The following BANK1 variants were observed in gnomAD, a reference collection of about 807,000 sequenced individuals.
The protein encoded by BANK1 is B cell scaffold protein with ankyrin repeats 1.
Under a neutral mutation model 94.5 loss-of-function variants are expected in BANK1, and 95 were observed. The observed-to-expected ratio is 1.00, with a 90% confidence interval of 0.85 to 1.19. The LOEUF (loss-of-function observed/expected upper bound fraction) is 1.19. Ranked by LOEUF, BANK1 falls within the 50% of genes most tolerant of loss-of-function variation. BANK1 has a pLI of 0.00. For missense variants in BANK1, 987 were observed against 932.2 expected (o/e 1.06, Z -0.77); for synonymous variants, 334 against 308.4 (o/e 1.08, Z -0.87).
At chr4:101,934,448 C>A (rs898441105) in intron 7 of BANK1, among the ~76,000 whole-genome samples, 1 of 151,330 alleles carries the variant, frequency 6.6e-6, no homozygotes, top group African/African-American at 2.4e-5. Flanking sequence ...AACTCTTCAT[C>A]CCTTTGATGG....
intron 4 of BANK1, among the ~76,000 whole-genome samples, chr4:101,869,748 G>C (rs1053025987): frequency 1.3e-5 from 2 of 151,900 alleles, no homozygotes; most frequent in Admixed American, 1.3e-4. Context: ...CTTAAAATTT[G>C]TTCCACAGAT....
At chr4:102,007,089 TATA>T (rs1289948108) in intron 7 of BANK1, among the ~76,000 whole-genome samples, 1 of 95,448 alleles carries the variant, frequency 1.0e-5, no homozygotes, top group East Asian at 2.2e-4. Flanking sequence ...TAAATATATA[TATA>T]ATATATTTAT....
At chr4:101,869,691 GT>G (rs1373408178) in intron 4 of BANK1, among the ~76,000 whole-genome samples, 1 of 151,850 alleles carries the variant, frequency 6.6e-6, no homozygotes, top group African/African-American at 2.4e-5. Context: ...TTGAGTGACA[GT>G]TTTCTGGGAG....
At chr4:101,870,330 G>T (rs920979122) in intron 4 of BANK1, among the ~76,000 whole-genome samples, 175 bp from the exon 5 acceptor site, 6 of 151,762 alleles carry the variant, frequency 4.0e-5, no homozygotes, top group Non-Finnish European at 8.8e-5. Flanking sequence ...GTCTAAAATT[G>T]TACATTTCAT....
intron 1 of BANK1, among the ~76,000 whole-genome samples, chr4:101,821,729 C>A (rs1278344681): frequency 6.6e-6 from 1 of 151,984 alleles, no homozygotes; most frequent in African/African-American, 2.4e-5. Flanking sequence ...AACAAAAATT[C>A]TTTACTACAC....
At chr4:101,896,909 G>T (rs575254843) in intron 6 of BANK1, among the ~76,000 whole-genome samples, 9 of 151,948 alleles carry the variant, frequency 5.9e-5, no homozygotes, top group African/African-American at 1.4e-4. Context: ...CATAAATTTT[G>T]GTGCATCTAT....
At chr4:101,952,580 T>C (rs1249286804) in intron 7 of BANK1, among the ~76,000 whole-genome samples, 1 of 152,128 alleles carries the variant, frequency 6.6e-6, no homozygotes, top group Non-Finnish European at 1.5e-5. Context: ...TGATTATAAT[T>C]TGGTAAAACA....
chr4:101,895,332 CT>C lies in BANK1; in HGVS notation c.933del (p.Thr312HisfsTer44). The C allele has an allele frequency of 6.3e-7, 1 of 1,591,298 alleles. No homozygotes were observed. The highest frequency in any genetic ancestry group is 8.6e-7 in the Non-Finnish European group (1 of 1,168,650). ...TAGCATTGAAGAACTTGATGGTGTC[CT>C]TACATCCATATTCAAACATGAGATA... Reference protein sequence around the residue: ...QNSIEELDGVLTSIFKHEIPY... With the variant: ...QNSIEELDGVXTSIFKHEIPY... On this transcript the variant is annotated frameshift_variant, in exon 6 of 17. Coordinates refer to ENST00000322953, the MANE Select transcript of BANK1 (RefSeq NM_017935.5). LOFTEE classifies it high-confidence loss of function.
Position 102,064,654 on chromosome 4 carries a change from A to G in BANK1, c.2212+1516A>G, listed in dbSNP as rs1298581371. 9.8e-5 allele frequency among the ~76,000 whole-genome samples: 15 copies of G among 152,386 alleles called. No homozygotes were observed. In the East Asian group the frequency reaches 2.9e-3, roughly 29 times the overall value. On this transcript the variant is annotated intron_variant, in intron 13 of 16. Coordinates refer to ENST00000322953, the MANE Select transcript of BANK1 (RefSeq NM_017935.5). ...CCTTTCAGCCGCACTGGAATAAATA[A>G]TACTACACAAATCTTTCTATTGCAC...
intron 7 of BANK1, among the ~76,000 whole-genome samples, chr4:101,986,089 A>T (rs970933733): frequency 6.6e-6 from 1 of 152,066 alleles, no homozygotes; most frequent in Non-Finnish European, 1.5e-5. Context: ...GAAACTCAAA[A>T]CTCTCTTACT....
intron 7 of BANK1, among the ~76,000 whole-genome samples, chr4:102,008,724 AT>A (rs200727855): frequency 2.0e-5 from 3 of 151,272 alleles, no homozygotes; most frequent in Non-Finnish European, 4.4e-5. Context: ...AGCTTACAAC[AT>A]TTTTTTTTGA....
chr4:101,921,628 C>T (rs920194595), intron 7 of BANK1, among the ~76,000 whole-genome samples: 36 of 152,014 alleles, frequency 2.4e-4, no homozygotes, highest in African/African-American at 8.4e-4. Flanking sequence ...ATGATTACAT[C>T]AATGTGTAAA....
chr4:102,026,193 A>G (rs1237852912), intron 9 of BANK1, among the ~76,000 whole-genome samples: 1 of 152,160 alleles, frequency 6.6e-6, no homozygotes, highest in Non-Finnish European at 1.5e-5. Flanking sequence ...CATGAAGAGG[A>G]GCTTCCACAT....
chr4:101,950,116 G>A (rs146824073), intron 7 of BANK1, among the ~76,000 whole-genome samples: 1 of 152,006 alleles, frequency 6.6e-6, no homozygotes, highest in Admixed American at 6.6e-5. Flanking sequence ...ATCATTTCTG[G>A]TGCTTCTCAG....
At chr4:102,047,221 C>T (rs1727906321) in intron 11 of BANK1, among the ~76,000 whole-genome samples, 1 of 152,154 alleles carries the variant, frequency 6.6e-6, no homozygotes, top group Admixed American at 6.6e-5. Context: ...CCTCACCCAT[C>T]ACTTCAAGTG....
chr4:101,962,263 C>T (rs570703985), intron 7 of BANK1, among the ~76,000 whole-genome samples: 1 of 152,260 alleles, frequency 6.6e-6, no homozygotes, highest in East Asian at 1.9e-4. Context: ...AGCCCCACGG[C>T]ATCATGCAGA....
chr4:101,870,369 A>T, intron 4 of BANK1, 136 bp from the exon 5 acceptor site: 2 of 744,406 alleles, frequency 2.7e-6, no homozygotes, highest in Non-Finnish European at 3.8e-6. Context: ...CAAGAATTTT[A>T]AAAATGATTT....
chr4:101,907,215 T>G (rs934024867), intron 6 of BANK1, among the ~76,000 whole-genome samples: 3 of 152,172 alleles, frequency 2.0e-5, no homozygotes, highest in Non-Finnish European at 2.9e-5. Context: ...CATGATCAAG[T>G]GGGCTTCATC....
intron 6 of BANK1, among the ~76,000 whole-genome samples, chr4:101,902,755 AAC>A (rs1162754358): frequency 2.0e-5 from 3 of 152,362 alleles, no homozygotes; most frequent in Non-Finnish European, 4.4e-5. Flanking sequence ...CAGAGGCATT[AAC>A]ATGGGTTAAA....
Sources: gnomAD v4.1 joint callset for allele counts (sites outside exome capture counted in the v4.1 genomes callset) on GRCh38, gnomAD v4.1.1 for gene constraint, MANE v1.5 for transcripts, NCBI Gene and HGNC (gene_info 2026-07-23, HGNC 2026-07-21) for gene names.